EXOC4: variants seen among roughly 807,000 people sequenced by gnomAD.
EXOC4 encodes the protein SEC8-like 1.
A neutral mutation model predicts 107.2 loss-of-function variants in EXOC4; 71 were observed. The observed-to-expected ratio is 0.66, with a 90% confidence interval of 0.55 to 0.81. The LOEUF (loss-of-function observed/expected upper bound fraction) is 0.81. Ranked by LOEUF, EXOC4 falls within the 30% of genes least tolerant of loss-of-function variation. The probability of loss-of-function intolerance (pLI) is 0.00; values close to 1 mark genes in which losing one functional copy is unlikely to be tolerated. For synonymous variants in EXOC4, 456 were observed against 441.2 expected, an observed-to-expected ratio of 1.03 and a Z score of -0.42; for missense variants, 1,108 against 1,189.6, an observed-to-expected ratio of 0.93 and a Z score of 1.01.
At chr7:133,948,849 G>C (rs2116780362) in intron 14 of EXOC4, among the ~76,000 whole-genome samples, 1 of 152,320 alleles carries the variant, frequency 6.6e-6, no homozygotes, top group South Asian at 2.1e-4. Flanking sequence ...TGTTCTCAGA[G>C]TGCAGACCAG....
At chr7:133,928,922 CTTTTTTTTTTTTTTT>C (rs71162044) in intron 13 of EXOC4, among the ~76,000 whole-genome samples, 1 of 82,016 alleles carries the variant, frequency 1.2e-5, no homozygotes, top group African/African-American at 6.0e-5. Flanking sequence ...ACAGTAGTAC[CTTTTTTTTTTTTTTT>C]TTTTTTTTTT....
intron 17 of EXOC4, among the ~76,000 whole-genome samples, chr7:134,008,466 A>G (rs1424430998): frequency 6.6e-6 from 1 of 152,162 alleles, no homozygotes; most frequent in Non-Finnish European, 1.5e-5. Context: ...AAATTTTTGA[A>G]CATTTGAATT....
chr7:134,025,034 T>C (rs6952869), intron 17 of EXOC4, among the ~76,000 whole-genome samples: 29,976 of 152,208 alleles, frequency 0.2, 3,210 homozygotes, highest in East Asian at 0.43. Context: ...TTTGTTTATT[T>C]CTGCTCCCTT....
At chr7:134,056,252 T>C (rs1201440309) in intron 17 of EXOC4, among the ~76,000 whole-genome samples, 1 of 152,208 alleles carries the variant, frequency 6.6e-6, no homozygotes, top group Non-Finnish European at 1.5e-5. Context: ...TTGAAAAGAC[T>C]CTAAAGTGAT....
At chr7:133,525,353 AT>A (rs1393061440) in intron 9 of EXOC4, among the ~76,000 whole-genome samples, 1 of 152,092 alleles carries the variant, frequency 6.6e-6, no homozygotes, top group East Asian at 1.9e-4. Context: ...TTTTATTGTA[AT>A]TTTCAAGTGA....
intron 9 of EXOC4, among the ~76,000 whole-genome samples, chr7:133,571,253 G>C (rs1214531876): frequency 6.6e-6 from 1 of 152,312 alleles, no homozygotes; most frequent in Admixed American, 6.5e-5. Flanking sequence ...GGGAGCCCTT[G>C]TCTGATCAAA....
intron 9 of EXOC4, among the ~76,000 whole-genome samples, chr7:133,573,583 G>C (rs1801068455): frequency 6.6e-6 from 1 of 152,138 alleles, no homozygotes. Flanking sequence ...TGTGGAACTT[G>C]GTGCATTTAC....
chr7:133,761,993 C>T (rs910093061), intron 10 of EXOC4, among the ~76,000 whole-genome samples: 4 of 152,178 alleles, frequency 2.6e-5, no homozygotes, highest in African/African-American at 4.8e-5. Flanking sequence ...CTGCCTCAAG[C>T]TCAGCTCTCA....
At chr7:133,374,552 T>C (rs993477103) in intron 6 of EXOC4, among the ~76,000 whole-genome samples, 2 of 152,208 alleles carry the variant, frequency 1.3e-5, no homozygotes, top group African/African-American at 4.8e-5. Flanking sequence ...AACATATGTT[T>C]ATTGAGATGC....
chr7:133,555,726 A>C (rs1213187811), intron 9 of EXOC4, among the ~76,000 whole-genome samples: 1 of 152,214 alleles, frequency 6.6e-6, no homozygotes, highest in Non-Finnish European at 1.5e-5. Context: ...TAAAAATTCC[A>C]GTTTGGCATA....
At chr7:134,024,559 T>C (rs1318104616) in intron 17 of EXOC4, among the ~76,000 whole-genome samples, 2 of 152,208 alleles carry the variant, frequency 1.3e-5, no homozygotes, top group Admixed American at 1.3e-4. Context: ...TCCAGTCATT[T>C]TAAAAGAAAA....
chr7:134,009,046 T>G (rs1183298082), intron 17 of EXOC4, among the ~76,000 whole-genome samples: 1 of 152,200 alleles, frequency 6.6e-6, no homozygotes, highest in Non-Finnish European at 1.5e-5. Flanking sequence ...ATATCAAACC[T>G]TTGGTGCTTT....
intron 14 of EXOC4, among the ~76,000 whole-genome samples, chr7:133,976,830 C>A (rs1321270381): frequency 1.3e-5 from 2 of 152,112 alleles, no homozygotes; most frequent in Non-Finnish European, 2.9e-5. Flanking sequence ...CAAGGTTTAC[C>A]AGTATCAGCC....
chr7:133,898,963 G>A (rs1438854295), intron 12 of EXOC4, among the ~76,000 whole-genome samples: 2 of 150,698 alleles, frequency 1.3e-5, no homozygotes, highest in Admixed American at 6.6e-5. Flanking sequence ...GGATGACAGA[G>A]TGAGACTCCA....
At chr7:133,301,063 A>G (rs1320836654) in intron 3 of EXOC4, among the ~76,000 whole-genome samples, 2 of 152,218 alleles carry the variant, frequency 1.3e-5, no homozygotes, top group African/African-American at 4.8e-5. Context: ...GTGAGTCGGA[A>G]TCATTCCACA....
At chr7:133,408,183 T>TGTTA (rs1797268205) in intron 7 of EXOC4, among the ~76,000 whole-genome samples, 1 of 148,128 alleles carries the variant, frequency 6.8e-6, no homozygotes, top group African/African-American at 2.5e-5. Flanking sequence ...ATGGAGGTCA[T>TGTTA]GTTAGGGTGA....
At chr7:133,331,775 C>T (rs1795401357) in intron 5 of EXOC4, among the ~76,000 whole-genome samples, 1 of 152,132 alleles carries the variant, frequency 6.6e-6, no homozygotes, top group South Asian at 2.1e-4. Flanking sequence ...AAGCTGAATG[C>T]AGGAAGGTTG....
At chr7:133,636,365 G>T (rs2151020444) in intron 10 of EXOC4, among the ~76,000 whole-genome samples, 1 of 152,230 alleles carries the variant, frequency 6.6e-6, no homozygotes, top group Non-Finnish European at 1.5e-5. Context: ...TCTGTGACTG[G>T]GCAGTGCTTT....
At chr7:133,388,843 T>G (rs1796787773) in intron 7 of EXOC4, among the ~76,000 whole-genome samples, 1 of 152,230 alleles carries the variant, frequency 6.6e-6, no homozygotes, top group South Asian at 2.1e-4. Context: ...GCTCCATCTG[T>G]CATTTTATTT....
Sources: allele counts gnomAD v4.1 joint callset (sites outside exome capture counted in the v4.1 genomes callset), GRCh38; gene constraint gnomAD v4.1.1; transcripts MANE v1.5; gene names NCBI Gene and HGNC (gene_info 2026-07-23, HGNC 2026-07-21).